Variants in ZNF391 observed in about 807,000 individuals in gnomAD.
The protein encoded by ZNF391 is zinc finger protein 391.
For missense variants in ZNF391, 375 were observed against 425.5 expected (o/e 0.88, Z 1.04); for synonymous variants, 126 against 142.1 (o/e 0.89, Z 0.80).
chr6:27,401,670 G>C lies in ZNF391; in HGVS notation c.*223G>C. On this transcript the variant is annotated 3_prime_UTR_variant, in exon 3 of 3. Coordinates refer to ENST00000244576, the MANE Select transcript of ZNF391 (RefSeq NM_001076781.3). Reference sequence around the variant, plus strand: ...CTTCCTACTTTTTCTCCCTCTCCCTGTTCTTTCTTTCTCTTTTCTCAAATA... The same window carrying C: ...CTTCCTACTTTTTCTCCCTCTCCCTCTTCTTTCTTTCTCTTTTCTCAAATA... 1 of 398,020 alleles carries C rather than the reference G, an allele frequency of 2.5e-6. No homozygotes were observed. Among genetic ancestry groups the C allele is most frequent in the Non-Finnish European group, 4.4e-6 (1 of 224,968 alleles). 24.7% of individuals were successfully genotyped at this position (398,020 alleles called of 1,614,324 possible).
At chr6:27,399,381 T>C (rs1761900414) in intron 1 of ZNF391, 61 bp from the exon 2 acceptor site, 1 of 152,216 alleles carries the variant, frequency 6.6e-6, no homozygotes, top group Non-Finnish European at 1.5e-5. Flanking sequence ...GAGATTGAGC[T>C]CTGAATAGCT....
intron 1 of ZNF391, among the ~76,000 whole-genome samples, chr6:27,375,331 A>C (rs1018734800): frequency 8.6e-5 from 13 of 152,034 alleles, no homozygotes; most frequent in Admixed American, 3.3e-4. Flanking sequence ...CTGAGGTCCT[A>C]ATTGGGAGGT....
At chr6:27,394,000 G>T (rs1761769772) in intron 1 of ZNF391, among the ~76,000 whole-genome samples, 1 of 152,054 alleles carries the variant, frequency 6.6e-6, no homozygotes, top group South Asian at 2.1e-4. Flanking sequence ...TAGAAGCAAA[G>T]AAATGATTTA....
At chr6:27,385,031 A>G (rs1005972546), upstream of ZNF391, among the ~76,000 whole-genome samples, 1 of 151,824 alleles carries the variant, frequency 6.6e-6, no homozygotes, top group African/African-American at 2.4e-5. Flanking sequence ...AAAAAAAAAA[A>G]GATTTTTTTT....
chr6:27,398,828 G>A (rs541038485), intron 1 of ZNF391, among the ~76,000 whole-genome samples: 11 of 151,982 alleles, frequency 7.2e-5, no homozygotes, highest in Non-Finnish European at 1.3e-4. Context: ...CATTGCACTC[G>A]AGCCTGGGCA....
chr6:27,384,373 A>G (rs1469753342), upstream of ZNF391, among the ~76,000 whole-genome samples: 1 of 151,610 alleles, frequency 6.6e-6, no homozygotes, highest in Non-Finnish European at 1.5e-5. Flanking sequence ...CAGAGGCACA[A>G]GAATTGCTTG....
At chr6:27,379,618 C>T in intron 1 of ZNF391, among the ~76,000 whole-genome samples, 1 of 152,154 alleles carries the variant, frequency 6.6e-6, no homozygotes, top group East Asian at 1.9e-4. Flanking sequence ...AGGGGACCCC[C>T]CCCCATACTT....
At chr6:27,380,256 G>A (rs193236225) in intron 1 of ZNF391, among the ~76,000 whole-genome samples, 383 of 152,278 alleles carry the variant, frequency 2.5e-3, no homozygotes, top group East Asian at 0.016. Flanking sequence ...ATTACAGGCC[G>A]CGTGCCTGGA....
intron 1 of ZNF391, among the ~76,000 whole-genome samples, chr6:27,375,639 A>G (rs1370642946): frequency 6.6e-6 from 1 of 152,190 alleles, no homozygotes; most frequent in Non-Finnish European, 1.5e-5. Flanking sequence ...GTTTTATCGC[A>G]TTTGAGAAGG....
upstream of ZNF391, among the ~76,000 whole-genome samples, chr6:27,384,557 C>T (rs1484529958): frequency 1.3e-5 from 2 of 150,572 alleles, no homozygotes; most frequent in African/African-American, 2.4e-5. Context: ...TGATGTACTA[C>T]AGCCAATTTT....
chr6:27,396,158 A>ACTAC (rs905866690), intron 1 of ZNF391, among the ~76,000 whole-genome samples: 1 of 152,236 alleles, frequency 6.6e-6, no homozygotes, highest in African/African-American at 2.4e-5. Flanking sequence ...CATAGATAAT[A>ACTAC]CTACCTACCT....
chr6:27,388,720 C>T (rs1323093170), upstream of ZNF391: 1 of 333,002 alleles, frequency 3.0e-6, no homozygotes, highest in African/African-American at 2.2e-5. Flanking sequence ...CAGGCGCAAG[C>T]GCAGAGCTGC....
At chr6:27,375,131 C>CT (rs1194628845) in exon 1 of ZNF391, 1 of 152,300 alleles carries the variant, frequency 6.6e-6, no homozygotes, top group Non-Finnish European at 1.5e-5. Context: ...GCCTACCCAC[C>CT]TATCAGGTAA....
Position 27,400,741 on chromosome 6 carries a change from T to G in ZNF391, c.371T>G (p.Leu124Arg). The part of the protein sequence containing the change: ...CEKAFSYQSD[L>R]LVHSRIHGGE... ...AAAGCCTTTAGTTACCAATCAGACCTTCTTGTACACAGTAGAATTCATGGT... is the reference window on the plus strand; with the variant it reads ...AAAGCCTTTAGTTACCAATCAGACCGTCTTGTACACAGTAGAATTCATGGT... Residue 124 changes from leucine (L) to arginine (R), a missense_variant, in exon 3 of 3, where the codon CTT becomes CGT. By Grantham distance (102) the Leu-to-Arg change is moderately radical. Coordinates refer to ENST00000244576, the MANE Select transcript of ZNF391 (RefSeq NM_001076781.3). 1 of 1,614,174 alleles carries G rather than the reference T, an allele frequency of 6.2e-7. No individual in the cohort carries two copies. Among genetic ancestry groups the G allele is most frequent in the East Asian group, 2.2e-5 (1 of 44,878 alleles).
intron 1 of ZNF391, among the ~76,000 whole-genome samples, chr6:27,382,153 G>A (rs1761520034): frequency 6.6e-6 from 1 of 151,954 alleles, no homozygotes; most frequent in Admixed American, 6.6e-5. Flanking sequence ...CCAACATGGT[G>A]AAACCCCGTC....
intron 1 of ZNF391, among the ~76,000 whole-genome samples, chr6:27,380,565 G>A (rs542611368): frequency 6.6e-6 from 1 of 152,354 alleles, no homozygotes; most frequent in African/African-American, 2.4e-5. Context: ...GGAAGGGGTT[G>A]CCACTGCTGG....
chr6:27,403,122 C>T lies in ZNF391; in HGVS notation c.*1675C>T, dbSNP rs567074529. 5.4e-5 allele frequency: 8 copies of T among 147,538 alleles called. No individual in the cohort carries two copies. In the East Asian group the frequency reaches 1.6e-3, roughly 30 times the overall value. The allele number at this position is 147,538 out of a possible 1,614,324, so 9.1% of individuals were successfully genotyped here. ...CTGTTGACTCACTACCATTATCTAG[C>T]TCCTTACTAAACTACTACTTTGTTA... On this transcript the variant is annotated 3_prime_UTR_variant, in exon 3 of 3. Coordinates refer to ENST00000244576, the MANE Select transcript of ZNF391 (RefSeq NM_001076781.3).
At chr6:27,385,527 G>A (rs1761573140), upstream of ZNF391, among the ~76,000 whole-genome samples, 1 of 152,114 alleles carries the variant, frequency 6.6e-6, no homozygotes, top group South Asian at 2.1e-4. Context: ...AAAGCAAGGA[G>A]AGCTATCAGG....
In ZNF391 at chr6:27,401,133, G is replaced by A; in HGVS notation, c.763G>A (p.Gly255Arg). ...GAATCCCTATGAATGCAGTAAATGT[G>A]GAAAAGCTTTCAGTTGGATCTCATC... ...GENPYECSKC[G>R]KAFSWISSLT... Residue 255 changes from glycine to arginine, a missense_variant, in exon 3 of 3, where the codon GGA (glycine) becomes AGA (arginine). Physicochemically the swap from Gly to Arg is moderately radical, Grantham distance 125. Coordinates refer to ENST00000244576, the MANE Select transcript of ZNF391 (RefSeq NM_001076781.3). The A allele has an allele frequency of 6.2e-7, 1 of 1,614,184 alleles. No individual in the cohort carries two copies. The highest frequency in any genetic ancestry group is 8.5e-7 in the Non-Finnish European group (1 of 1,180,032).
Sources: allele counts gnomAD v4.1 joint callset (sites outside exome capture counted in the v4.1 genomes callset), GRCh38; gene constraint gnomAD v4.1.1; transcripts MANE v1.5; gene names NCBI Gene and HGNC (gene_info 2026-07-23, HGNC 2026-07-21).